The following QTMAN variants were observed in gnomAD, a reference collection of about 807,000 sequenced individuals.
QTMAN encodes tRNA-queuosine alpha-mannosyltransferase.
the QTMAN span, among the ~76,000 whole-genome samples, chr2:144,139,401 C>T: frequency 4.0e-4 from 61 of 152,064 alleles, no homozygotes; most frequent in African/African-American, 1.3e-3. Context: ...TAAGCACTAT[C>T]CTAGGTACAT....
At chr2:143,969,608 A>C in the QTMAN span, among the ~76,000 whole-genome samples, 65 of 152,232 alleles carry the variant, frequency 4.3e-4, no homozygotes, top group Middle Eastern at 3.2e-3. Context: ...AACTGAGGTA[A>C]GTACCATGAA....
At chr2:144,093,537 T>C in the QTMAN span, among the ~76,000 whole-genome samples, 1 of 152,234 alleles carries the variant, frequency 6.6e-6, no homozygotes, top group Admixed American at 6.5e-5. Context: ...CATACGACTG[T>C]ATTATAATCG....
chr2:144,163,881 C>T, the QTMAN span, among the ~76,000 whole-genome samples: 1 of 152,126 alleles, frequency 6.6e-6, no homozygotes, highest in African/African-American at 2.4e-5. Context: ...GGGAAGACTG[C>T]CTGCTTTGCT....
chr2:144,047,764 A>C, the QTMAN span, among the ~76,000 whole-genome samples: 1 of 152,238 alleles, frequency 6.6e-6, no homozygotes, highest in African/African-American at 2.4e-5. Flanking sequence ...AGAAAGAGAC[A>C]ATTATAAGGA....
the QTMAN span, among the ~76,000 whole-genome samples, chr2:144,289,402 T>C: frequency 6.6e-6 from 1 of 152,252 alleles, no homozygotes; most frequent in East Asian, 1.9e-4. Context: ...ATGAAACTCA[T>C]CTAGAAAACA....
At chr2:144,039,528 A>G in the QTMAN span, among the ~76,000 whole-genome samples, 1 of 152,174 alleles carries the variant, frequency 6.6e-6, no homozygotes, top group Non-Finnish European at 1.5e-5. Context: ...AAAATAAACA[A>G]CTTTGGTGAA....
At chr2:144,062,224 C>T in the QTMAN span, among the ~76,000 whole-genome samples, 1 of 152,320 alleles carries the variant, frequency 6.6e-6, no homozygotes, top group African/African-American at 2.4e-5. Context: ...AAAGCACTCA[C>T]CCCGCCTCCT....
chr2:144,239,151 G>A, the QTMAN span, among the ~76,000 whole-genome samples: 39 of 144,234 alleles, frequency 2.7e-4, no homozygotes, highest in African/African-American at 1.0e-3. Flanking sequence ...ACAGATATAC[G>A]CACTGTTAAA....
At chr2:143,938,629 TG>T in the QTMAN span, 3 of 151,256 alleles carry the variant, frequency 2.0e-5, no homozygotes, top group South Asian at 2.1e-4. Flanking sequence ...TTGTAGATGA[TG>T]TTTTTTTCCA....
chr2:144,098,681 C>G, the QTMAN span, among the ~76,000 whole-genome samples: 3 of 150,874 alleles, frequency 2.0e-5, no homozygotes, highest in Admixed American at 1.3e-4. Context: ...CACCACTGCA[C>G]TCCAGCCTGG....
the QTMAN span, among the ~76,000 whole-genome samples, chr2:144,287,766 T>C: frequency 6.6e-6 from 1 of 152,214 alleles, no homozygotes; most frequent in Non-Finnish European, 1.5e-5. Flanking sequence ...TTTGAACATA[T>C]AGTATATGTA....
the QTMAN span, among the ~76,000 whole-genome samples, chr2:143,996,086 T>C: frequency 2.0e-5 from 3 of 152,070 alleles, no homozygotes; most frequent in African/African-American, 7.2e-5. Flanking sequence ...CTAAGGTAGG[T>C]TCACTACATT....
At chr2:144,042,392 A>C in the QTMAN span, among the ~76,000 whole-genome samples, 2 of 152,112 alleles carry the variant, frequency 1.3e-5, no homozygotes, top group Non-Finnish European at 2.9e-5. Context: ...ACAAAATAAA[A>C]CAGAAAACAA....
chr2:144,129,477 C>CAAGGAAGAAAT, the QTMAN span, among the ~76,000 whole-genome samples: 6 of 151,950 alleles, frequency 3.9e-5, no homozygotes, highest in South Asian at 1.2e-3. Flanking sequence ...AGTGTGTGAC[C>CAAGGAAGAAAT]AAGGAAGAAA....
the QTMAN span, among the ~76,000 whole-genome samples, chr2:144,067,769 CCT>C: frequency 6.6e-6 from 1 of 152,152 alleles, no homozygotes; most frequent in Non-Finnish European, 1.5e-5. Flanking sequence ...CATCCAGTAA[CCT>C]TCTGGTAAAA....
the QTMAN span, among the ~76,000 whole-genome samples, chr2:144,267,113 T>A: frequency 6.6e-6 from 1 of 152,072 alleles, no homozygotes; most frequent in East Asian, 1.9e-4. Flanking sequence ...TATTCTAAGA[T>A]GAAAGTGCAG....
chr2:144,278,671 A>T, the QTMAN span, among the ~76,000 whole-genome samples: 2 of 151,978 alleles, frequency 1.3e-5, no homozygotes, highest in African/African-American at 4.8e-5. Flanking sequence ...TTTCTATACC[A>T]CATCTTTTAC....
At chr2:144,143,630 C>T in the QTMAN span, among the ~76,000 whole-genome samples, 1 of 151,892 alleles carries the variant, frequency 6.6e-6, no homozygotes, top group Non-Finnish European at 1.5e-5. Context: ...AGGAATGTCA[C>T]AGAAGTGCTG....
the QTMAN span, among the ~76,000 whole-genome samples, chr2:144,085,593 A>G: frequency 6.6e-6 from 1 of 152,184 alleles, no homozygotes; most frequent in Non-Finnish European, 1.5e-5. Context: ...TACATGTCCT[A>G]CTAGAGGGAA....
Sources: gnomAD v4.1 joint callset for allele counts (sites outside exome capture counted in the v4.1 genomes callset) on GRCh38, gnomAD v4.1.1 for gene constraint, MANE v1.5 for transcripts, NCBI Gene and HGNC (gene_info 2026-07-23, HGNC 2026-07-21) for gene names.